The following CDH4 variants were observed in gnomAD, a reference collection of about 807,000 sequenced individuals.
The protein encoded by CDH4 is cadherin-4.
A neutral mutation model predicts 86.0 loss-of-function variants in CDH4; 33 were observed. That is an observed-to-expected ratio of 0.38 (90% CI 0.29 to 0.51). CDH4 has a LOEUF of 0.51. CDH4 is among the 20% of genes least tolerant of loss of function. The pLI is 0.86. For missense variants in CDH4, 1,114 were observed against 1,307.4 expected (o/e 0.85, Z 2.28); for synonymous variants, 555 against 549.4 (o/e 1.01, Z -0.14).
intron 2 of CDH4, among the ~76,000 whole-genome samples, chr20:61,671,195 G>A (rs1399198535): frequency 2.6e-5 from 4 of 152,016 alleles, no homozygotes; most frequent in Admixed American, 2.0e-4. Context: ...TGGATGGATG[G>A]ATAAAGAATA....
chr20:61,402,053 T>A (rs557068616), intron 2 of CDH4, among the ~76,000 whole-genome samples: 1 of 152,328 alleles, frequency 6.6e-6, no homozygotes, highest in South Asian at 2.1e-4. Context: ...GTAACATTTG[T>A]CCCAGTCACC....
chr20:61,364,530 C>T lies in CDH4; in HGVS notation c.169+109593C>T, dbSNP rs142825271. 2.7e-3 allele frequency among the ~76,000 whole-genome samples: 410 copies of T among 152,302 alleles called. 9 individuals carry two copies. The highest frequency in any genetic ancestry group is 0.022 in the Admixed American group (329 of 15,296). On this transcript the variant is annotated intron_variant, in intron 2 of 15. Transcript: ENST00000614565. The stretch of plus-strand genomic sequence containing the variant: ...GCTCAGCCTGGGCTTGTCTCTGTTC[C>T]GCATCAGGAGGGGGGTTCCAAGTGG...
chr20:61,682,479 AGATG>A (rs370479959), intron 2 of CDH4, among the ~76,000 whole-genome samples: 79 of 149,666 alleles, frequency 5.3e-4, no homozygotes, highest in African/African-American at 1.8e-3. Context: ...ATGGATGGAC[AGATG>A]GATGGATGGA....
chr20:61,350,084 CTCCCACCCAGCGTCAGGCAGACA>C (rs2084702250), intron 2 of CDH4, among the ~76,000 whole-genome samples: 1 of 151,400 alleles, frequency 6.6e-6, no homozygotes, highest in African/African-American at 2.4e-5. Context: ...GACCTTGCCT[CTCCCACCCAGCGTCAGGCAGACA>C]CCTCCCCCTC....
At chr20:61,352,454 C>T (rs1480855890) in intron 2 of CDH4, among the ~76,000 whole-genome samples, 1 of 152,196 alleles carries the variant, frequency 6.6e-6, no homozygotes, top group East Asian at 1.9e-4. Flanking sequence ...ATGTGGCAAA[C>T]GTCTTTACAT....
chr20:61,885,453 C>G (rs184508197), intron 7 of CDH4, among the ~76,000 whole-genome samples: 30 of 152,272 alleles, frequency 2.0e-4, no homozygotes, highest in African/African-American at 7.2e-4. Context: ...CGTGGTAGTT[C>G]GTGTCTGCGT....
chr20:61,358,185 C>T (rs2123313816), intron 2 of CDH4, among the ~76,000 whole-genome samples: 1 of 152,274 alleles, frequency 6.6e-6, no homozygotes, highest in South Asian at 2.1e-4. Context: ...TGCACAGAAA[C>T]CTCGAAACCC....
intron 4 of CDH4, among the ~76,000 whole-genome samples, chr20:61,841,793 C>T (rs776667065): frequency 1.2e-4 from 19 of 152,164 alleles, no homozygotes; most frequent in Non-Finnish European, 1.3e-4. Context: ...CGTGGGCCTG[C>T]AGGCCTCCTC....
chr20:61,582,621 AG>A lies in CDH4; in HGVS notation c.170-160939del, dbSNP rs1457291324. 6.6e-6 allele frequency among the ~76,000 whole-genome samples: 1 copy of A among 152,158 alleles called. No homozygotes were observed. Among genetic ancestry groups the A allele is most frequent in the East Asian group, 1.9e-4 (1 of 5,172 alleles). Reference sequence around the variant, plus strand: ...ACCTAGAGCTTCTTCCGTCCCCTGCAGGGCCTGGTGCGGTGGAGCCCAGGCA... The same window carrying A: ...ACCTAGAGCTTCTTCCGTCCCCTGCAGGCCTGGTGCGGTGGAGCCCAGGCA... On this transcript the variant is annotated intron_variant, in intron 2 of 15. Coordinates refer to ENST00000614565, the MANE Select transcript of CDH4 (RefSeq NM_001794.5). The surrounding 1 kb of genome is among the most constrained non-coding windows in gnomAD (Gnocchi z 4.2).
At chr20:61,605,886 GAAAAAA>G (rs529210946) in intron 2 of CDH4, among the ~76,000 whole-genome samples, 2 of 126,000 alleles carry the variant, frequency 1.6e-5, no homozygotes. Flanking sequence ...GGCTGTGGAG[GAAAAAA>G]AAAAAAAAAA....
intron 2 of CDH4, among the ~76,000 whole-genome samples, chr20:61,285,561 G>T (rs1045585100): frequency 1.3e-5 from 2 of 152,176 alleles, no homozygotes; most frequent in Non-Finnish European, 2.9e-5. Context: ...ATTTTTTGCC[G>T]GGCAGATAAT....
intron 4 of CDH4, among the ~76,000 whole-genome samples, chr20:61,806,250 G>A (rs1319053912): frequency 6.6e-6 from 1 of 152,206 alleles, no homozygotes; most frequent in Non-Finnish European, 1.5e-5. Flanking sequence ...CTGCCTGACT[G>A]GTTGGGGGTG....
intron 2 of CDH4, among the ~76,000 whole-genome samples, chr20:61,683,554 G>T (rs1044115697): frequency 2.0e-5 from 3 of 152,308 alleles, no homozygotes; most frequent in African/African-American, 7.2e-5. Flanking sequence ...ACCCCAAACT[G>T]CACGCATCTG....
chr20:61,877,669 AT>A (rs1297859795), intron 7 of CDH4, among the ~76,000 whole-genome samples: 2 of 151,828 alleles, frequency 1.3e-5, no homozygotes, highest in Non-Finnish European at 2.9e-5. Flanking sequence ...TTGTGTGGTT[AT>A]TTTCCTTGAT....
intron 2 of CDH4, among the ~76,000 whole-genome samples, chr20:61,340,860 G>A (rs982927306): frequency 6.6e-6 from 1 of 152,046 alleles, no homozygotes; most frequent in African/African-American, 2.4e-5. Flanking sequence ...TGAATATTGG[G>A]GTGCAAATAA....
intron 2 of CDH4, among the ~76,000 whole-genome samples, chr20:61,512,687 C>T (rs918342755): frequency 2.6e-5 from 4 of 152,316 alleles, no homozygotes; most frequent in African/African-American, 9.6e-5. Flanking sequence ...CAGGACTCAC[C>T]GTCTCATTTC....
At chr20:61,659,408 A>G (rs760134881) in intron 2 of CDH4, among the ~76,000 whole-genome samples, 2 of 152,232 alleles carry the variant, frequency 1.3e-5, no homozygotes, top group African/African-American at 4.8e-5. Flanking sequence ...TGCAGGGAAG[A>G]GAGGGGCTGC....
At chr20:61,375,146 C>T (rs2084859950) in intron 2 of CDH4, among the ~76,000 whole-genome samples, 1 of 152,174 alleles carries the variant, frequency 6.6e-6, no homozygotes, top group African/African-American at 2.4e-5. Context: ...CTCATGATCT[C>T]CTGAGGGCTG....
chr20:61,425,045 C>T (rs2085204327), intron 2 of CDH4, among the ~76,000 whole-genome samples: 1 of 152,334 alleles, frequency 6.6e-6, no homozygotes, highest in East Asian at 1.9e-4. Flanking sequence ...GTTGCTGAGC[C>T]CCAGCTCTGT....
Sources: gnomAD v4.1 joint callset for allele counts (sites outside exome capture counted in the v4.1 genomes callset) on GRCh38, gnomAD v4.1.1 for gene constraint, Gnocchi (gnomAD v3.1) non-coding constraint, MANE v1.5 for transcripts, NCBI Gene and HGNC (gene_info 2026-07-23, HGNC 2026-07-21) for gene names.